The following SYNE1 variants were observed in gnomAD, a reference collection of about 807,000 sequenced individuals.
The protein encoded by SYNE1 is spectrin repeat containing nuclear envelope protein 1, also known as nesprin-1.
Under a neutral mutation model 1,111.0 loss-of-function variants are expected in SYNE1, and 616 were observed. The ratio of observed to expected loss-of-function variants is 0.55; its 90% CI spans 0.52 to 0.59. SYNE1 has a LOEUF of 0.59. Ranked by LOEUF, SYNE1 falls within the 20% of genes least tolerant of loss-of-function variation. SYNE1 has a pLI of 0.00. For synonymous variants in SYNE1, 3,855 were observed against 3,825.8 expected, an observed-to-expected ratio of 1.01 and a Z score of -0.28; for missense variants, 10,006 against 10,417.0, an observed-to-expected ratio of 0.96 and a Z score of 1.72.
At chr6:152,141,396 A>T in intron 138 of SYNE1, 67 bp from the exon 139 acceptor site, 2 of 1,602,250 alleles carry the variant, frequency 1.2e-6, no homozygotes, top group Middle Eastern at 2.1e-4. Flanking sequence ...TTCCGGGGAA[A>T]ATCTCTTTGT....
chr6:152,165,809 G>A (rs932141318), intron 130 of SYNE1, among the ~76,000 whole-genome samples: 4 of 152,154 alleles, frequency 2.6e-5, no homozygotes, highest in Non-Finnish European at 5.9e-5. Context: ...AAATTCATCT[G>A]GGCATCAGTC....
rs1475106933 is a variant in SYNE1 at position 152,353,590 on chromosome 6, A to C, written c.11081T>G (p.Leu3694Arg). 3.1e-6 allele frequency: 5 copies of C among 1,614,126 alleles called. No homozygotes were observed. In the South Asian group the frequency reaches 3.3e-5, roughly 11 times the overall value. ...CTGAGCACCTGGTGACCCACTCACC[A>C]GCACTTGGAGAAGCAGGGCCTGGTA... ...SRYQALLLQVLEQIKFLEEEI... is the reference protein window; with the variant it reads ...SRYQALLLQVREQIKFLEEEI... The change falls in exon 68 of 146, where the codon CTG becomes CGG. Residue 3694 changes from leucine to arginine, a missense_variant and splice_region_variant. Transcript: ENST00000367255.
chr6:152,397,295 C>G (rs2097749891), intron 49 of SYNE1, among the ~76,000 whole-genome samples: 1 of 152,224 alleles, frequency 6.6e-6, no homozygotes, highest in South Asian at 2.1e-4. Context: ...TCTCAGGGTT[C>G]ATGTGAGATC....
intron 87 of SYNE1, among the ~76,000 whole-genome samples, chr6:152,311,695 C>A (rs1283788324): frequency 6.6e-6 from 1 of 152,096 alleles, no homozygotes; most frequent in African/African-American, 2.4e-5. Context: ...ATGCGTGAAT[C>A]TAGAACACAC....
intron 98 of SYNE1, among the ~76,000 whole-genome samples, chr6:152,276,971 G>A (rs528635218): frequency 2.7e-4 from 39 of 142,278 alleles, no homozygotes; most frequent in African/African-American, 1.0e-3. Context: ...TGTAACCTCT[G>A]CTTCCCAGGT....
At chr6:152,141,070 T>C in intron 139 of SYNE1, 133 bp downstream of exon 139, 2 of 1,313,854 alleles carry the variant, frequency 1.5e-6, no homozygotes, top group Non-Finnish European at 1.1e-6. Context: ...GAGACTGTTA[T>C]AACTTGGAAG....
Position 152,451,276 on chromosome 6 carries a change from CAA to C in SYNE1, c.3028-73_3028-72del, listed in dbSNP as rs3835245. 10,366 of 1,260,928 alleles carry C rather than the reference CAA, an allele frequency of 8.2e-3. 510 individuals carry two copies. The African/African-American group carries it at 0.12, about 15-fold the overall frequency. 78.1% of individuals were successfully genotyped at this position (1,260,928 alleles called of 1,614,324 possible). A position where few individuals can be genotyped will look rare whatever the true frequency, so the allele number is the denominator to read the frequency against. On this transcript the variant is annotated intron_variant, in intron 25 of 145. Coordinates refer to ENST00000367255, the MANE Select transcript of SYNE1 (RefSeq NM_182961.4). ...TTATGTACATTCCCAATTGAAGTGG[CAA>C]AAAAAAAAACAAAAACCATAACATA...
intron 125 of SYNE1, 24 bp downstream of exon 125, chr6:152,207,948 A>C (rs2153408407): frequency 6.2e-7 from 1 of 1,612,488 alleles, no homozygotes; most frequent in East Asian, 2.2e-5. Flanking sequence ...AAGAGGTGTG[A>C]GAACACTGTG....
Position 152,450,828 on chromosome 6 carries a change from G to T in SYNE1, c.3192C>A (p.Phe1064Leu). ...SEKIIKEHRV[F>L]FSDKGPHHLC... is the part of the protein sequence containing the mutation. ...GATGATGAGGACCTTTGTCACTGAA[G>T]AAAACCTAATGTGTAATAAATGTTT... The change falls in exon 27 of 146, where the codon TTC (phenylalanine) becomes TTA (leucine). Residue 1064 changes from phenylalanine (F) to leucine (L), a missense_variant. Around this residue, in one of 7 missense-constraint regions of SYNE1, gnomAD observed 1,971 missense variants for 2,084.1 expected, o/e 0.95. Coordinates refer to ENST00000367255, the MANE Select transcript of SYNE1 (RefSeq NM_182961.4). The T allele has an allele frequency of 6.2e-7, 1 of 1,613,922 alleles. No homozygotes were observed. The highest frequency in any genetic ancestry group is 8.5e-7 in the Non-Finnish European group (1 of 1,179,954).
intron 4 of SYNE1, among the ~76,000 whole-genome samples, chr6:152,538,796 C>T (rs1311854505): frequency 2.0e-5 from 3 of 152,072 alleles, no homozygotes; most frequent in Non-Finnish European, 4.4e-5. Flanking sequence ...GGCCAAATTC[C>T]CTTCTCATCA....
intron 3 of SYNE1, among the ~76,000 whole-genome samples, chr6:152,586,191 A>G (rs1319820114): frequency 6.6e-6 from 1 of 152,146 alleles, no homozygotes; most frequent in Non-Finnish European, 1.5e-5. Context: ...TATATACCAT[A>G]TAATGTTTAT....
chr6:152,526,351 A>G (rs544838991), intron 4 of SYNE1, among the ~76,000 whole-genome samples, 176 bp from the exon 5 acceptor site: 1 of 152,308 alleles, frequency 6.6e-6, no homozygotes, highest in East Asian at 1.9e-4. Flanking sequence ...GTGAGAAGAA[A>G]AACAATCCAG....
chr6:152,328,942 A>G (rs186042219), intron 78 of SYNE1, among the ~76,000 whole-genome samples: 2 of 152,334 alleles, frequency 1.3e-5, no homozygotes, highest in African/African-American at 2.4e-5. Flanking sequence ...CCCCACAAAA[A>G]TGTGGCTTAT....
intron 3 of SYNE1, among the ~76,000 whole-genome samples, chr6:152,623,816 G>A (rs1441061537): frequency 6.6e-6 from 1 of 152,054 alleles, no homozygotes; most frequent in African/African-American, 2.4e-5. Context: ...AGGATGCCAA[G>A]CTTTTTCTTT....
At chr6:152,491,129 C>G (rs1472182511) in intron 11 of SYNE1, among the ~76,000 whole-genome samples, 1 of 152,044 alleles carries the variant, frequency 6.6e-6, no homozygotes. Flanking sequence ...TGTGGGGATG[C>G]CTGCCTGATT....
At chr6:152,181,561 C>A (rs73617336) in intron 128 of SYNE1, among the ~76,000 whole-genome samples, 2,150 of 152,300 alleles carry the variant, frequency 0.014, 57 homozygotes, top group African/African-American at 0.043. Flanking sequence ...TGGAATCATA[C>A]AATATGTAGT....
chr6:152,201,260 T>A (rs1007862786), intron 127 of SYNE1, among the ~76,000 whole-genome samples: 65 of 130,120 alleles, frequency 5.0e-4, no homozygotes, highest in African/African-American at 1.9e-3. Flanking sequence ...ATCCAGGGAG[T>A]GATCTGTATT....
chr6:152,186,676 C>A (rs569611854), intron 128 of SYNE1, among the ~76,000 whole-genome samples: 2 of 146,724 alleles, frequency 1.4e-5, no homozygotes, highest in African/African-American at 5.0e-5. Flanking sequence ...GAGGGAAGTT[C>A]ATGGCATGTT....
Position 152,508,727 on chromosome 6 carries a change from C to T in SYNE1, c.581+1466G>A, listed in dbSNP as rs568796945. On this transcript the variant is annotated intron_variant, in intron 8 of 145. Coordinates refer to ENST00000367255, the MANE Select transcript of SYNE1 (RefSeq NM_182961.4). ...ACTGTGGATGCAATTAAACAGTGTT[C>T]CAGCAATGTGGGAAGGGTTTTTTAT... 1.1e-4 allele frequency among the ~76,000 whole-genome samples: 16 copies of T among 152,216 alleles called. No individual in the cohort carries two copies. The South Asian group carries it at 3.1e-3, about 30-fold the overall frequency.
Sources: allele counts gnomAD v4.1 joint callset (sites outside exome capture counted in the v4.1 genomes callset), GRCh38; gene constraint gnomAD v4.1.1; regional missense constraint gnomAD v4.1.1; transcripts MANE v1.5; gene names NCBI Gene and HGNC (gene_info 2026-07-23, HGNC 2026-07-21).